The following MACROD2 variants were observed in gnomAD, a reference collection of about 807,000 sequenced individuals.
The protein encoded by MACROD2 is mono-ADP ribosylhydrolase 2, also known as ADP-ribose glycohydrolase MACROD2.
A neutral mutation model predicts 70.4 loss-of-function variants in MACROD2; 36 were observed. The ratio of observed to expected loss-of-function variants is 0.51; its 90% CI spans 0.39 to 0.68. The LOEUF (loss-of-function observed/expected upper bound fraction) is 0.68. MACROD2 is among the 30% of genes least tolerant of loss of function. The pLI is 0.00. For synonymous variants in MACROD2, 172 were observed against 178.8 expected (o/e 0.96, Z 0.30); for missense variants, 496 against 538.4 (o/e 0.92, Z 0.78).
intron 8 of MACROD2, among the ~76,000 whole-genome samples, chr20:15,748,285 G>A (rs1178124021): frequency 6.6e-6 from 1 of 152,070 alleles, no homozygotes; most frequent in East Asian, 1.9e-4. Context: ...ACCAGTCCAG[G>A]CTCTGAGTTC....
At chr20:14,873,435 G>A (rs2073512555) in intron 5 of MACROD2, among the ~76,000 whole-genome samples, 1 of 152,056 alleles carries the variant, frequency 6.6e-6, no homozygotes, top group South Asian at 2.1e-4. Context: ...GCTCTGTGTA[G>A]GCCTTTATAA....
chr20:15,088,131 C>T (rs1289176498), intron 5 of MACROD2, among the ~76,000 whole-genome samples: 1 of 151,628 alleles, frequency 6.6e-6, no homozygotes, highest in Non-Finnish European at 1.5e-5. Flanking sequence ...TGCCAGTGCT[C>T]ATTTGCATAA....
At chr20:14,166,246 T>C (rs1650828134) in intron 3 of MACROD2, among the ~76,000 whole-genome samples, 1 of 152,144 alleles carries the variant, frequency 6.6e-6, no homozygotes, top group East Asian at 1.9e-4. Flanking sequence ...ATAGGAAATA[T>C]TTTCCTGATA....
intron 3 of MACROD2, among the ~76,000 whole-genome samples, chr20:14,281,864 G>A (rs1407685935): frequency 6.6e-6 from 1 of 150,522 alleles, no homozygotes; most frequent in African/African-American, 2.4e-5. Context: ...GAACCCAGGA[G>A]GCGGAGGTTG....
intron 5 of MACROD2, among the ~76,000 whole-genome samples, chr20:15,030,001 A>C (rs1313939220): frequency 6.8e-6 from 1 of 147,262 alleles, no homozygotes; most frequent in African/African-American, 2.5e-5. Flanking sequence ...GAGGCACGAG[A>C]GTTGCTTGAA....
At chr20:15,958,676 T>C (rs533964884) in intron 12 of MACROD2, among the ~76,000 whole-genome samples, 35 of 152,320 alleles carry the variant, frequency 2.3e-4, no homozygotes, top group African/African-American at 8.4e-4. Context: ...ACTTCGTGTT[T>C]GTCCCCTCCA....
At chr20:14,591,466 T>A (rs2123378246) in intron 4 of MACROD2, among the ~76,000 whole-genome samples, 1 of 152,304 alleles carries the variant, frequency 6.6e-6, no homozygotes, top group Admixed American at 6.5e-5. Context: ...ACAAGAAATT[T>A]AAAATATTTC....
chr20:14,664,038 C>T (rs920313747), intron 4 of MACROD2, among the ~76,000 whole-genome samples: 5 of 152,136 alleles, frequency 3.3e-5, no homozygotes, highest in South Asian at 4.1e-4. Context: ...AGCACTTTAT[C>T]GCATACAGTA....
intron 3 of MACROD2, among the ~76,000 whole-genome samples, chr20:14,236,112 T>G (rs2081868228): frequency 6.6e-6 from 1 of 152,156 alleles, no homozygotes; most frequent in Non-Finnish European, 1.5e-5. Context: ...ATTATATGTT[T>G]TTTTAAATCT....
At chr20:14,223,941 C>G (rs908946269) in intron 3 of MACROD2, among the ~76,000 whole-genome samples, 2 of 152,158 alleles carry the variant, frequency 1.3e-5, no homozygotes, top group African/African-American at 4.8e-5. Context: ...GGTGGGCCAG[C>G]AGGCTGGAGA....
chr20:16,009,997 T>C (rs1219347357), intron 15 of MACROD2, among the ~76,000 whole-genome samples: 3 of 152,190 alleles, frequency 2.0e-5, no homozygotes, highest in African/African-American at 7.2e-5. Context: ...TCCTTGTAGG[T>C]CATTCCTGAT....
chr20:14,303,960 C>G (rs754063521), intron 3 of MACROD2, among the ~76,000 whole-genome samples: 1 of 152,144 alleles, frequency 6.6e-6, no homozygotes, highest in African/African-American at 2.4e-5. Context: ...AATACCATGA[C>G]CTCTTAGCTC....
At chr20:14,201,154 G>A (rs922166677) in intron 3 of MACROD2, among the ~76,000 whole-genome samples, 9 of 151,984 alleles carry the variant, frequency 5.9e-5, no homozygotes, top group African/African-American at 2.2e-4. Context: ...AATTTTTAAC[G>A]AATCTGGAAT....
At chr20:14,396,460 C>G (rs1055196526) in intron 3 of MACROD2, among the ~76,000 whole-genome samples, 2 of 152,022 alleles carry the variant, frequency 1.3e-5, no homozygotes, top group African/African-American at 4.8e-5. Context: ...CATAGTGAAA[C>G]CTTCTTTATT....
intron 5 of MACROD2, among the ~76,000 whole-genome samples, chr20:15,102,951 A>G (rs772011852): frequency 9.2e-5 from 14 of 152,152 alleles, no homozygotes; most frequent in Non-Finnish European, 1.3e-4. Context: ...AACTATTTAC[A>G]TTATGATGCC....
In MACROD2 at chr20:16,041,186, C is replaced by G. The variant is rs557792683; in HGVS notation, c.1154-15C>G. 6.2e-7 allele frequency: 1 copy of G among 1,609,274 alleles called. No homozygotes were observed. The highest frequency in any genetic ancestry group is 1.1e-5 in the South Asian group (1 of 90,578). On this transcript the variant is annotated splice_polypyrimidine_tract_variant and intron_variant, in intron 15 of 17. Transcript: ENST00000684519. Reference sequence around the variant, plus strand: ...TTCTCTATTCATCAGGGACTGTGGTCTTTTTCTCTTCCAGCTCCAGGCGAG... The same window carrying G: ...TTCTCTATTCATCAGGGACTGTGGTGTTTTTCTCTTCCAGCTCCAGGCGAG...
chr20:14,430,513 A>G (rs1759864089), intron 3 of MACROD2, among the ~76,000 whole-genome samples: 1 of 152,192 alleles, frequency 6.6e-6, no homozygotes, highest in Non-Finnish European at 1.5e-5. Context: ...CAATATTTCT[A>G]GCTTTGACTG....
chr20:16,050,723 A>C lies in MACROD2; in HGVS notation c.*847A>C, dbSNP rs1227155328. The stretch of plus-strand genomic sequence containing the variant: ...ACAGTTAAAAGCTAAGAAAAGGGGC[A>C]GTGCATTTAGGACCCAAACATATGC... On this transcript the variant is annotated 3_prime_UTR_variant, in exon 18 of 18. Transcript: ENST00000684519. 6.6e-6 allele frequency: 1 copy of C among 152,358 alleles called. No individual in the cohort carries two copies. The highest frequency in any genetic ancestry group is 1.9e-4 in the East Asian group (1 of 5,184). The allele number at this position is 152,358 out of a possible 1,614,324, so 9.4% of individuals were successfully genotyped here. A position where few individuals can be genotyped will look rare whatever the true frequency, so the allele number is the denominator to read the frequency against.
At chr20:15,849,518 G>A (rs1347509997) in intron 8 of MACROD2, among the ~76,000 whole-genome samples, 1 of 152,124 alleles carries the variant, frequency 6.6e-6, no homozygotes, top group East Asian at 1.9e-4. Context: ...CTTGTGACTT[G>A]GCATAGCATT....
Sources: gnomAD v4.1 joint callset for allele counts (sites outside exome capture counted in the v4.1 genomes callset) on GRCh38, gnomAD v4.1.1 for gene constraint, MANE v1.5 for transcripts, NCBI Gene and HGNC (gene_info 2026-07-23, HGNC 2026-07-21) for gene names.